Variants in ZFPM1 observed in about 807,000 individuals in gnomAD.
ZFPM1 encodes the protein zinc finger protein, FOG family member 1.
ZFPM1 carries 28 observed loss-of-function variants against 46.3 expected under a neutral mutation model. That is an observed-to-expected ratio of 0.60 (90% CI 0.45 to 0.83). The LOEUF (loss-of-function observed/expected upper bound fraction) is 0.83, where lower values mean the gene tolerates loss of function less well. Ranked by LOEUF, ZFPM1 falls within the 40% of genes least tolerant of loss-of-function variation. ZFPM1 has a pLI of 0.00. For synonymous variants in ZFPM1, 957 were observed against 675.9 expected (o/e 1.42, Z -6.45); for missense variants, 1,878 against 1,432.4 (o/e 1.31, Z -5.02).
At chr16:88,462,924 C>T (rs1907964748) in intron 1 of ZFPM1, among the ~76,000 whole-genome samples, 1 of 151,750 alleles carries the variant, frequency 6.6e-6, no homozygotes, top group Admixed American at 6.6e-5. Context: ...GGGCCAGGGC[C>T]CCCTGTGGTC....
chr16:88,516,463 G>T (rs77013160), intron 4 of ZFPM1: 19,219 of 397,796 alleles, frequency 0.048, 1,201 homozygotes, highest in African/African-American at 0.21. Flanking sequence ...GGGGCTCTGT[G>T]GGGAGCCCGG....
chr16:88,518,476 T>C (rs1412894582), intron 4 of ZFPM1, among the ~76,000 whole-genome samples: 2 of 148,778 alleles, frequency 1.3e-5, no homozygotes, highest in Non-Finnish European at 3.0e-5. Context: ...GGTGGGTAGA[T>C]GGGTAGATGG....
At chr16:88,520,326 G>A (rs535695461) in intron 4 of ZFPM1, among the ~76,000 whole-genome samples, 3 of 151,692 alleles carry the variant, frequency 2.0e-5, no homozygotes, top group Admixed American at 6.6e-5. Flanking sequence ...GTGAAGGAGG[G>A]GTGGATAGAT....
rs201830164 is a variant in ZFPM1 at position 88,498,999 on chromosome 16, G to T, written c.268+9846G>T. On this transcript the variant is annotated intron_variant, in intron 3 of 9. Transcript: ENST00000319555. ...CCCCAGGCCTGCCTCTCCACGCAAG[G>T]CCCTGTGGGCGGAGCCCCTGGACAG... Among the ~76,000 whole-genome samples, 9 of 152,328 alleles carry T rather than the reference G, an allele frequency of 5.9e-5. No homozygotes were observed. In the East Asian group the frequency reaches 1.5e-3, roughly 26 times the overall value.
intron 3 of ZFPM1, among the ~76,000 whole-genome samples, chr16:88,494,787 G>A (rs1349944912): frequency 1.3e-5 from 2 of 152,156 alleles, no homozygotes; most frequent in African/African-American, 4.8e-5. Flanking sequence ...GGAGAGAAGG[G>A]CTGGGGTCTG....
In ZFPM1 at chr16:88,528,099, G is replaced by A. The variant is rs141664744; in HGVS notation, c.573G>A (p.Thr191=). 129 of 1,579,294 alleles carry A rather than the reference G, an allele frequency of 8.2e-5. 1 individual carries two copies. In the African/African-American group the frequency reaches 1.3e-3, roughly 16 times the overall value. The change falls in exon 6 of 10, where the codon ACG becomes ACA. Residue 191 remains threonine, a synonymous_variant. Coordinates refer to ENST00000319555, the MANE Select transcript of ZFPM1 (RefSeq NM_153813.3). ...PAGGLLSVLL[T]AEPHSTPGHP... ...GGGGACTCCTGAGCGTGCTCCTCAC[G>A]GCCGAGCCCCACAGCACCCCCGGCC... is the stretch of plus-strand genomic sequence containing the variant.
At chr16:88,483,495 G>A (rs1242213779) in intron 1 of ZFPM1, among the ~76,000 whole-genome samples, 1 of 152,192 alleles carries the variant, frequency 6.6e-6, no homozygotes, top group Non-Finnish European at 1.5e-5. Context: ...CTTCTCAGGG[G>A]CTGGTCTCAC....
chr16:88,459,375 A>G (rs1310083713), intron 1 of ZFPM1, among the ~76,000 whole-genome samples: 1 of 152,180 alleles, frequency 6.6e-6, no homozygotes, highest in Non-Finnish European at 1.5e-5. Context: ...TGGCCGTGGA[A>G]CTATGGGCAA....
rs942686916 is a variant in ZFPM1 at position 88,471,936 on chromosome 16, G to A, written c.41-14003G>A. ...GGTCCGCAAGAGCCTTGGGTGGGCC[G>A]GGGCAGGGGCCGTGTGGTCTGCAGG... On this transcript the variant is annotated intron_variant, in intron 1 of 9. Coordinates refer to ENST00000319555, the MANE Select transcript of ZFPM1 (RefSeq NM_153813.3). This position sits in a 1 kb window ranked among gnomAD's most constrained non-coding sequence, Gnocchi z 4.1. Among the ~76,000 whole-genome samples, 49 of 152,358 alleles carry A rather than the reference G, an allele frequency of 3.2e-4. No homozygotes were observed. Among genetic ancestry groups the A allele is most frequent in the African/African-American group, 1.1e-3 (46 of 41,590 alleles).
chr16:88,500,831 C>T (rs946320486), intron 3 of ZFPM1, among the ~76,000 whole-genome samples: 6 of 152,260 alleles, frequency 3.9e-5, no homozygotes, highest in Admixed American at 2.0e-4. Context: ...GTGGTCAGCT[C>T]GGATCTTGGC....
chr16:88,503,833 G>A (rs887957916), intron 3 of ZFPM1, among the ~76,000 whole-genome samples: 5 of 152,156 alleles, frequency 3.3e-5, no homozygotes, highest in African/African-American at 4.8e-5. Context: ...TTGGGCTCCC[G>A]AGGCCTCAGT....
rs527810397 is a variant in ZFPM1 at position 88,521,133 on chromosome 16, G to A, written c.403-5681G>A. Among the ~76,000 whole-genome samples the A allele has an allele frequency of 4.6e-5, 7 of 151,582 alleles. No individual in the cohort carries two copies. In the South Asian group the frequency reaches 1.5e-3, roughly 32 times the overall value. ...AGGTGGATGGATGCATGGATGGATG[G>A]ATGGATGAATATATGGCCTGAGGCC... On this transcript the variant is annotated intron_variant, in intron 4 of 9. Coordinates refer to ENST00000319555, the MANE Select transcript of ZFPM1 (RefSeq NM_153813.3).
At chr16:88,484,904 G>A (rs373018604) in intron 1 of ZFPM1, among the ~76,000 whole-genome samples, 1 of 152,212 alleles carries the variant, frequency 6.6e-6, no homozygotes, top group South Asian at 2.1e-4. Context: ...TCACCTGTCA[G>A]GTGGACTCCT....
At chr16:88,464,081 G>A (rs887838700) in intron 1 of ZFPM1, among the ~76,000 whole-genome samples, 1 of 152,246 alleles carries the variant, frequency 6.6e-6, no homozygotes, top group African/African-American at 2.4e-5. Flanking sequence ...AATCCTTGGG[G>A]GCTGGAAGGA....
At chr16:88,524,025 C>T (rs769914060) in intron 4 of ZFPM1, among the ~76,000 whole-genome samples, 10 of 152,240 alleles carry the variant, frequency 6.6e-5, no homozygotes, top group Non-Finnish European at 1.2e-4. Context: ...GCTGGGAACA[C>T]GCTGCTCCTG....
chr16:88,504,549 C>G (rs904782), intron 3 of ZFPM1, among the ~76,000 whole-genome samples: 148,068 of 152,212 alleles, frequency 0.97, 72,164 homozygotes, highest in East Asian at 1. Flanking sequence ...TCAGCCCTGG[C>G]GAGGTGCCGC....
At chr16:88,461,555 C>T (rs992985236) in intron 1 of ZFPM1, among the ~76,000 whole-genome samples, 4 of 152,174 alleles carry the variant, frequency 2.6e-5, no homozygotes, top group Non-Finnish European at 5.9e-5. Flanking sequence ...CACCTCCTTC[C>T]CGGCTGTTGT....
intron 3 of ZFPM1, among the ~76,000 whole-genome samples, chr16:88,504,852 G>A (rs1910562870): frequency 6.6e-6 from 1 of 152,170 alleles, no homozygotes; most frequent in Non-Finnish European, 1.5e-5. Flanking sequence ...TGTGGGGCCA[G>A]GGCCTTGCCC....
intron 3 of ZFPM1, among the ~76,000 whole-genome samples, chr16:88,498,274 G>A (rs1251473229): frequency 6.6e-6 from 1 of 152,214 alleles, no homozygotes; most frequent in East Asian, 1.9e-4. Flanking sequence ...AGAACCCGAG[G>A]AGGGGCTGTG....
Sources: gnomAD v4.1 joint callset for allele counts (sites outside exome capture counted in the v4.1 genomes callset) on GRCh38, gnomAD v4.1.1 for gene constraint, Gnocchi (gnomAD v3.1) non-coding constraint, MANE v1.5 for transcripts, NCBI Gene and HGNC (gene_info 2026-07-23, HGNC 2026-07-21) for gene names.